SETBP1: variants seen among roughly 807,000 people sequenced by gnomAD.
SETBP1 encodes SET binding protein 1.
A neutral mutation model predicts 101.0 loss-of-function variants in SETBP1; 9 were observed. That is an observed-to-expected ratio of 0.09 (90% CI 0.05 to 0.16). The LOEUF is 0.16. SETBP1 is among the 10% of genes least tolerant of loss of function. The pLI is 1.00. For missense variants in SETBP1, 1,858 were observed against 2,033.8 expected (o/e 0.91, Z 1.66); for synonymous variants, 818 against 788.5 (o/e 1.04, Z -0.63).
At chr18:44,869,694 G>T in intron 3 of SETBP1, 1 of 302,130 alleles carries the variant, frequency 3.3e-6, no homozygotes, top group South Asian at 3.2e-5. Context: ...CCTAGTCAAG[G>T]CCTGATAGCC....
At chr18:45,010,450 T>G (rs1784062733) in intron 4 of SETBP1, among the ~76,000 whole-genome samples, 1 of 152,250 alleles carries the variant, frequency 6.6e-6, no homozygotes, top group African/African-American at 2.4e-5. Flanking sequence ...TTTCTGTAAC[T>G]TCTTAGGAAC....
chr18:44,700,902 C>T (rs1191504410), intron 1 of SETBP1, among the ~76,000 whole-genome samples: 1 of 152,196 alleles, frequency 6.6e-6, no homozygotes, highest in East Asian at 1.9e-4. Flanking sequence ...AGCTTGCTAC[C>T]GGGCTGGAGA....
intron 2 of SETBP1, among the ~76,000 whole-genome samples, chr18:44,823,635 C>G (rs1361008277): frequency 6.6e-6 from 1 of 152,108 alleles, no homozygotes; most frequent in Admixed American, 6.5e-5. Context: ...GTTCAAACCT[C>G]GATGCAGAGC....
chr18:44,984,485 T>C (rs986706494), intron 4 of SETBP1, among the ~76,000 whole-genome samples: 3 of 152,048 alleles, frequency 2.0e-5, no homozygotes, highest in Admixed American at 6.6e-5. Flanking sequence ...CAGGCGGTAA[T>C]GCTCACTCCT....
At chr18:45,045,823 G>A (rs965733559) in intron 5 of SETBP1, among the ~76,000 whole-genome samples, 1 of 152,088 alleles carries the variant, frequency 6.6e-6, no homozygotes, top group Non-Finnish European at 1.5e-5. Flanking sequence ...CATAGTAAGA[G>A]TTTGACAAGT....
intron 4 of SETBP1, among the ~76,000 whole-genome samples, chr18:44,967,601 T>C (rs2071748859): frequency 6.6e-6 from 1 of 152,218 alleles, no homozygotes; most frequent in African/African-American, 2.4e-5. Flanking sequence ...TGTTCCTCAC[T>C]AGGGGCCCTG....
In SETBP1 at chr18:44,950,846, G is replaced by T. The variant is rs140838391; in HGVS notation, c.1506G>T (p.Met502Ile). The T allele has an allele frequency of 1.1e-5, 18 of 1,614,016 alleles. No homozygotes were observed. In the African/African-American group the frequency reaches 2.1e-4, roughly 19 times the overall value. The change falls in exon 4 of 6, where the codon ATG (methionine) becomes ATT (isoleucine). Residue 502 changes from methionine (M) to isoleucine (I), a missense_variant. By Grantham distance (10) the Met-to-Ile change is conservative. Transcript: ENST00000649279. ...GGVSKPRKPP[M>I]VMTPPTCTDH... The stretch of plus-strand genomic sequence containing the variant: ...TGTCTAAGCCGCGGAAGCCACCCAT[G>T]GTCATGACACCTCCAACGTGCACAG...
At position 45,063,505 on chromosome 18, in the gene SETBP1, C is replaced by T. The variant is rs2073923280; in HGVS notation, c.4598C>T (p.Pro1533Leu). The T allele has an allele frequency of 1.4e-6, 2 of 1,416,546 alleles. No individual in the cohort carries two copies. The highest frequency in any genetic ancestry group is 1.8e-6 in the Non-Finnish European group (2 of 1,081,336). The allele number at this position is 1,416,546 out of a possible 1,614,324, so 87.7% of individuals were successfully genotyped here. Residue 1533 changes from proline (P) to leucine (L), a missense_variant, in exon 6 of 6, where the codon CCG becomes CTG. This residue lies in a region of SETBP1 where 178 missense variants were observed against 189.1 expected (regional missense o/e 0.94). Transcript: ENST00000649279. ...CCACCGCCGCCGCCCCTGCCGCCAC[C>T]GCCGCCACCACCCCTGCCCCCGCCA... Reference protein sequence around the residue: ...PPPPPPPLPPPPPPPLPPPPP... With the variant: ...PPPPPPPLPPLPPPPLPPPPP...
At position 44,762,554 on chromosome 18, in the gene SETBP1, A is replaced by G. The variant is rs189228356; in HGVS notation, c.486+60722A>G. Among the ~76,000 whole-genome samples, 20 of 152,346 alleles carry G rather than the reference A, an allele frequency of 1.3e-4. No homozygotes were observed. The East Asian group carries it at 1.7e-3, about 13-fold the overall frequency. On this transcript the variant is annotated intron_variant, in intron 2 of 5. Coordinates refer to ENST00000649279, the MANE Select transcript of SETBP1 (RefSeq NM_015559.3). ...TTGTTTACTATATAGTATTATCTCA[A>G]TGGTTGACAGGGTATATTGTGAAGC...
intron 3 of SETBP1, among the ~76,000 whole-genome samples, chr18:44,900,227 A>G (rs1379662840): frequency 1.3e-5 from 2 of 152,182 alleles, no homozygotes; most frequent in Admixed American, 1.3e-4. Flanking sequence ...CTGACTTGCT[A>G]TCTCAGAGGT....
intron 2 of SETBP1, among the ~76,000 whole-genome samples, chr18:44,812,107 T>C (rs1413716147): frequency 6.6e-6 from 1 of 152,042 alleles, no homozygotes; most frequent in Non-Finnish European, 1.5e-5. Context: ...GGTATGGGGC[T>C]CTCATGAGGA....
intron 5 of SETBP1, among the ~76,000 whole-genome samples, chr18:45,045,915 C>G (rs2073603118): frequency 6.6e-6 from 1 of 152,038 alleles, no homozygotes; most frequent in African/African-American, 2.4e-5. Context: ...CCCTTGCCCA[C>G]CTCTCATGCC....
chr18:45,035,166 T>A (rs773158915), intron 4 of SETBP1, among the ~76,000 whole-genome samples: 3 of 152,224 alleles, frequency 2.0e-5, no homozygotes, highest in South Asian at 2.1e-4. Flanking sequence ...TGTGGATTAA[T>A]GAGTGTTCAT....
At chr18:44,724,232 G>A (rs1198434878) in intron 2 of SETBP1, among the ~76,000 whole-genome samples, 1 of 152,170 alleles carries the variant, frequency 6.6e-6, no homozygotes, top group Non-Finnish European at 1.5e-5. Flanking sequence ...GTTGGGACAG[G>A]GGTTTAGAAG....
chr18:44,930,462 G>T (rs888729440), intron 3 of SETBP1, among the ~76,000 whole-genome samples: 3 of 152,242 alleles, frequency 2.0e-5, no homozygotes, highest in Admixed American at 1.3e-4. Flanking sequence ...AAATGAATTA[G>T]GAAGGATTCA....
At chr18:44,842,550 T>C (rs1386693864) in intron 2 of SETBP1, among the ~76,000 whole-genome samples, 1 of 152,122 alleles carries the variant, frequency 6.6e-6, no homozygotes, top group Non-Finnish European at 1.5e-5. Context: ...CCAAAGAATA[T>C]CCCACAGTGC....
chr18:45,009,219 AG>A (rs1166379684), intron 4 of SETBP1, among the ~76,000 whole-genome samples: 3 of 151,952 alleles, frequency 2.0e-5, no homozygotes, highest in Admixed American at 6.6e-5. Context: ...GTTTGCCAAC[AG>A]GGAAGCTTGG....
rs149117339 is a variant in SETBP1, at chr18:44,688,983, A to G, written c.-173+7962A>G. ...TCTGAGATGTGGCTTTTGCCCTGGG[A>G]GAGTGGGCAGTGTATCTACAGATAC... On this transcript the variant is annotated intron_variant, in intron 1 of 5. Coordinates refer to ENST00000649279, the MANE Select transcript of SETBP1 (RefSeq NM_015559.3). 2.2e-3 allele frequency among the ~76,000 whole-genome samples: 337 copies of G among 152,284 alleles called. 2 individuals carry two copies. The highest frequency in any genetic ancestry group is 7.7e-3 in the African/African-American group (322 of 41,556).
At chr18:44,690,890 A>G (rs890748162) in intron 1 of SETBP1, among the ~76,000 whole-genome samples, 1 of 152,188 alleles carries the variant, frequency 6.6e-6, no homozygotes, top group Non-Finnish European at 1.5e-5. Context: ...TATGGTCACA[A>G]TTACTTCTTT....
Sources: gnomAD v4.1 joint callset for allele counts (sites outside exome capture counted in the v4.1 genomes callset) on GRCh38, gnomAD v4.1.1 for gene constraint, gnomAD v4.1.1 regional missense constraint, MANE v1.5 for transcripts, NCBI Gene and HGNC (gene_info 2026-07-23, HGNC 2026-07-21) for gene names.